The following RBM47 variants were observed in gnomAD, a reference collection of about 807,000 sequenced individuals.
RBM47 encodes RNA binding motif protein 47, also known as RNA-binding protein 47.
RBM47 carries 21 observed loss-of-function variants against 47.1 expected under a neutral mutation model. The ratio of observed to expected loss-of-function variants is 0.45; its 90% CI spans 0.32 to 0.64. The LOEUF (loss-of-function observed/expected upper bound fraction) is 0.64. Among genes scored for constraint, RBM47 ranks in the 30% least tolerant of loss-of-function variants. The probability of loss-of-function intolerance (pLI) is 0.05; values close to 1 mark genes in which losing one functional copy is unlikely to be tolerated. For synonymous variants in RBM47, 375 were observed against 361.7 expected, an observed-to-expected ratio of 1.04 and a Z score of -0.42; for missense variants, 708 against 870.9, an observed-to-expected ratio of 0.81 and a Z score of 2.35.
At chr4:40,557,705 C>T (rs1186376925) in intron 1 of RBM47, among the ~76,000 whole-genome samples, 1 of 151,850 alleles carries the variant, frequency 6.6e-6, no homozygotes, top group Non-Finnish European at 1.5e-5. Flanking sequence ...GCCAAGGTCG[C>T]ACCATTGCAC....
At chr4:40,510,242 T>C (rs1027224829) in intron 2 of RBM47, among the ~76,000 whole-genome samples, 3 of 150,026 alleles carry the variant, frequency 2.0e-5, no homozygotes, top group Non-Finnish European at 4.4e-5. Context: ...TCAGCTGAGA[T>C]GGGGCAATAG....
chr4:40,608,715 A>G (rs11936786), intron 1 of RBM47, among the ~76,000 whole-genome samples: 26,180 of 152,218 alleles, frequency 0.17, 2,946 homozygotes, highest in Admixed American at 0.26. Context: ...TGACTGTGAT[A>G]ATATCATTCT....
At chr4:40,431,583 G>C (rs540094886) in intron 6 of RBM47, among the ~76,000 whole-genome samples, 2 of 151,844 alleles carry the variant, frequency 1.3e-5, no homozygotes, top group Non-Finnish European at 2.9e-5. Flanking sequence ...GCGTGAACCT[G>C]GGAGGCGGAG....
intron 2 of RBM47, among the ~76,000 whole-genome samples, chr4:40,500,447 C>T (rs1723207875): frequency 6.6e-6 from 1 of 151,476 alleles, no homozygotes; most frequent in Non-Finnish European, 1.5e-5. Context: ...CCCATCTCTA[C>T]AAAAAATACA....
chr4:40,449,832 C>T (rs1715133668), intron 3 of RBM47, among the ~76,000 whole-genome samples: 2 of 151,356 alleles, frequency 1.3e-5, no homozygotes, highest in South Asian at 2.1e-4. Flanking sequence ...GCATGCACCA[C>T]CACGCCCAGC....
At chr4:40,447,971 A>G (rs566890790) in intron 3 of RBM47, among the ~76,000 whole-genome samples, 1 of 152,302 alleles carries the variant, frequency 6.6e-6, no homozygotes, top group East Asian at 1.9e-4. Context: ...AGATCGTGCC[A>G]CTGCACTCCA....
At chr4:40,429,909 T>C (rs1202434824) in intron 6 of RBM47, among the ~76,000 whole-genome samples, 14 of 151,776 alleles carry the variant, frequency 9.2e-5, no homozygotes, top group Admixed American at 8.5e-4. Flanking sequence ...AGAACCCTGA[T>C]GGTGGCCGGG....
At chr4:40,624,804 T>C (rs1392877498) in intron 1 of RBM47, among the ~76,000 whole-genome samples, 2 of 151,304 alleles carry the variant, frequency 1.3e-5, no homozygotes, top group Non-Finnish European at 3.0e-5. Flanking sequence ...TATTTTTTAA[T>C]CAAATGACAA....
intron 1 of RBM47, among the ~76,000 whole-genome samples, chr4:40,623,118 C>T (rs13148961): frequency 0.19 from 28,603 of 152,050 alleles, 3,259 homozygotes; most frequent in Admixed American, 0.29. Context: ...GCAGTTCCCA[C>T]CGGAGAAGTG....
At chr4:40,454,315 C>A (rs1342393254) in intron 3 of RBM47, among the ~76,000 whole-genome samples, 1 of 152,182 alleles carries the variant, frequency 6.6e-6, no homozygotes, top group Non-Finnish European at 1.5e-5. Flanking sequence ...TATTTAAAAT[C>A]CTGATTCCTC....
At chr4:40,585,903 G>A (rs1733530111) in intron 1 of RBM47, among the ~76,000 whole-genome samples, 1 of 152,230 alleles carries the variant, frequency 6.6e-6, no homozygotes, top group African/African-American at 2.4e-5. Context: ...AGGGAACAGA[G>A]CAGAGTGGGC....
intron 3 of RBM47, among the ~76,000 whole-genome samples, chr4:40,458,794 C>T (rs1716668868): frequency 6.6e-6 from 1 of 150,992 alleles, no homozygotes; most frequent in Admixed American, 6.6e-5. Flanking sequence ...TTTTTGGGTA[C>T]ACAGTGAAAA....
At chr4:40,525,964 G>C (rs1211384197) in intron 2 of RBM47, among the ~76,000 whole-genome samples, 1 of 152,146 alleles carries the variant, frequency 6.6e-6, no homozygotes, top group African/African-American at 2.4e-5. Context: ...AGTCCCTTTA[G>C]CTGCCCATCC....
Position 40,573,945 on chromosome 4 carries a change from G to C in RBM47, c.-239-29439C>G, listed in dbSNP as rs141771708. ...CATTTCTGTAAAACTTTATAAAATTGTATTAGACATCTTTGGTTTAAATTT... is the reference window on the plus strand; with the variant it reads ...CATTTCTGTAAAACTTTATAAAATTCTATTAGACATCTTTGGTTTAAATTT... On this transcript the variant is annotated intron_variant, in intron 1 of 6. Coordinates refer to ENST00000295971, the MANE Select transcript of RBM47 (RefSeq NM_001098634.2). Among the ~76,000 whole-genome samples the C allele has an allele frequency of 3.3e-3, 497 of 152,282 alleles. 1 individual carries two copies. The highest frequency in any genetic ancestry group is 5.7e-3 in the Non-Finnish European group (391 of 68,030).
Position 40,438,717 on chromosome 4 carries a change from C to A in RBM47, c.177G>T (p.Pro59=). The change falls in exon 4 of 7, where the codon CCG becomes CCT. Residue 59 remains proline (P), a synonymous_variant. Coordinates refer to ENST00000295971, the MANE Select transcript of RBM47 (RefSeq NM_001098634.2). Reference sequence around the variant, plus strand: ...GCGGGTGCGGGCCCTCCCAGCCGGGCGGTGGGCCGCCGTACTTGCGCTGCC... The same window carrying A: ...GCGGGTGCGGGCCCTCCCAGCCGGGAGGTGGGCCGCCGTACTTGCGCTGCC... ...ENGQRKYGGP[P]PGWEGPHPQR... is the part of the protein sequence containing the mutation. 6.2e-7 allele frequency: 1 copy of A among 1,607,130 alleles called. No homozygotes were observed. Among genetic ancestry groups the A allele is most frequent in the Non-Finnish European group, 8.5e-7 (1 of 1,178,082 alleles).
At chr4:40,626,161 T>C (rs1213966950) in intron 1 of RBM47, among the ~76,000 whole-genome samples, 1 of 152,180 alleles carries the variant, frequency 6.6e-6, no homozygotes, top group Non-Finnish European at 1.5e-5. Flanking sequence ...ATGACAAAAA[T>C]GGAAGATTCA....
At chr4:40,505,058 G>C (rs1454626077) in intron 2 of RBM47, among the ~76,000 whole-genome samples, 1 of 152,132 alleles carries the variant, frequency 6.6e-6, no homozygotes, top group African/African-American at 2.4e-5. Flanking sequence ...AGGCACGGTG[G>C]CACATGCCTG....
At chr4:40,608,444 GGAGATTAATT>G (rs1199572225) in intron 1 of RBM47, among the ~76,000 whole-genome samples, 1 of 152,200 alleles carries the variant, frequency 6.6e-6, no homozygotes, top group Non-Finnish European at 1.5e-5. Context: ...AGGCAGACTT[GGAGATTAATT>G]TATTTTCCAA....
chr4:40,446,810 T>C (rs940850281), intron 3 of RBM47, among the ~76,000 whole-genome samples: 1 of 144,438 alleles, frequency 6.9e-6, no homozygotes, highest in South Asian at 2.2e-4. Flanking sequence ...GAGGGAAGAA[T>C]CTTGCCCCAT....
Sources: allele counts gnomAD v4.1 joint callset (sites outside exome capture counted in the v4.1 genomes callset), GRCh38; gene constraint gnomAD v4.1.1; transcripts MANE v1.5; gene names NCBI Gene and HGNC (gene_info 2026-07-23, HGNC 2026-07-21).